The following HHAT variants were observed in gnomAD, a reference collection of about 807,000 sequenced individuals.
The protein encoded by HHAT is protein-cysteine N-palmitoyltransferase HHAT.
Under a neutral mutation model 70.8 loss-of-function variants are expected in HHAT, and 47 were observed. The observed-to-expected ratio is 0.66, with a 90% CI of 0.53 to 0.85. HHAT has a LOEUF of 0.85. Ranked by LOEUF, HHAT falls within the 40% of genes least tolerant of loss-of-function variation. HHAT has a pLI of 0.00. For synonymous variants in HHAT, 228 were observed against 247.6 expected, an observed-to-expected ratio of 0.92 and a Z score of 0.74; for missense variants, 609 against 604.8, an observed-to-expected ratio of 1.01 and a Z score of -0.07.
chr1:210,477,826 T>C (rs948632166), intron 8 of HHAT, among the ~76,000 whole-genome samples: 9 of 152,184 alleles, frequency 5.9e-5, no homozygotes, highest in Non-Finnish European at 1.3e-4. Flanking sequence ...AACAGGGTTG[T>C]CATTAGGAGA....
chr1:210,441,605 A>G (rs1390727805), intron 7 of HHAT, among the ~76,000 whole-genome samples: 1 of 152,176 alleles, frequency 6.6e-6, no homozygotes, highest in Non-Finnish European at 1.5e-5. Context: ...CACCAAAGAT[A>G]TTAGTTCAAA....
At chr1:210,560,140 C>T (rs2148705973) in intron 9 of HHAT, among the ~76,000 whole-genome samples, 1 of 152,332 alleles carries the variant, frequency 6.6e-6, no homozygotes, top group South Asian at 2.1e-4. Context: ...GGCATTCAGT[C>T]CTCCAATTTC....
chr1:210,536,855 G>C (rs1245487525), intron 9 of HHAT, among the ~76,000 whole-genome samples: 1 of 147,908 alleles, frequency 6.8e-6, no homozygotes, highest in South Asian at 2.2e-4. Flanking sequence ...ACAGCGTCTC[G>C]GGCCTCTGTC....
intron 8 of HHAT, among the ~76,000 whole-genome samples, chr1:210,480,481 A>G (rs141070517): frequency 6.6e-6 from 1 of 152,210 alleles, no homozygotes; most frequent in African/African-American, 2.4e-5. Flanking sequence ...AGCTATTGAT[A>G]TGTAATGAAG....
intron 9 of HHAT, among the ~76,000 whole-genome samples, chr1:210,562,736 T>C (rs888356501): frequency 1.3e-5 from 2 of 151,898 alleles, no homozygotes; most frequent in African/African-American, 4.8e-5. Flanking sequence ...ACACGTGCCA[T>C]GTTGGTGTGC....
At chr1:210,413,572 A>G (rs897804981) in intron 6 of HHAT, among the ~76,000 whole-genome samples, 1 of 152,236 alleles carries the variant, frequency 6.6e-6, no homozygotes, top group Non-Finnish European at 1.5e-5. Context: ...TTGCTTAGAA[A>G]TGGCTTTAGC....
At chr1:210,517,604 A>G (rs2095079622) in intron 9 of HHAT, among the ~76,000 whole-genome samples, 1 of 152,182 alleles carries the variant, frequency 6.6e-6, no homozygotes, top group African/African-American at 2.4e-5. Context: ...TAGAGAGGAG[A>G]AGGAAGTTCA....
intron 9 of HHAT, among the ~76,000 whole-genome samples, chr1:210,556,811 C>G (rs1301634484): frequency 6.6e-6 from 1 of 152,204 alleles, no homozygotes; most frequent in Non-Finnish European, 1.5e-5. Flanking sequence ...TAGCCAGCCA[C>G]TCATGAATGG....
chr1:210,459,343 G>A (rs562876937), intron 7 of HHAT, among the ~76,000 whole-genome samples: 22 of 152,248 alleles, frequency 1.4e-4, no homozygotes, highest in African/African-American at 4.8e-4. Context: ...GCGGTATAAG[G>A]TGAATTATTC....
chr1:210,548,314 G>A (rs571845944), intron 9 of HHAT, among the ~76,000 whole-genome samples: 8 of 152,334 alleles, frequency 5.3e-5, no homozygotes, highest in East Asian at 1.9e-4. Context: ...TTAAGGGTGC[G>A]TTGTTGGAGG....
intron 4 of HHAT, among the ~76,000 whole-genome samples, chr1:210,393,983 C>T (rs2091618803): frequency 6.6e-6 from 1 of 152,156 alleles, no homozygotes; most frequent in Non-Finnish European, 1.5e-5. Flanking sequence ...GTTTTTGGTA[C>T]TTACTCAGAG....
chr1:210,403,560 G>A (rs1286270739), intron 5 of HHAT, among the ~76,000 whole-genome samples: 1 of 152,164 alleles, frequency 6.6e-6, no homozygotes, highest in Non-Finnish European at 1.5e-5. Flanking sequence ...CTTGGTGGCT[G>A]CTAAAGTCTT....
At chr1:210,549,548 C>G (rs1271483041) in intron 9 of HHAT, among the ~76,000 whole-genome samples, 1 of 148,792 alleles carries the variant, frequency 6.7e-6, no homozygotes, top group African/African-American at 2.5e-5. Context: ...GGGAAGACAT[C>G]CATATGCCTA....
At chr1:210,532,949 T>C (rs1437306135) in intron 9 of HHAT, among the ~76,000 whole-genome samples, 1 of 152,206 alleles carries the variant, frequency 6.6e-6, no homozygotes, top group Non-Finnish European at 1.5e-5. Flanking sequence ...GGGTTCATAT[T>C]CTATTTACTG....
chr1:210,335,317 T>TG (rs1553311768), intron 1 of HHAT, among the ~76,000 whole-genome samples: 5 of 49,420 alleles, frequency 1.0e-4, no homozygotes, highest in South Asian at 9.3e-4. Context: ...CCATTCATGA[T>TG]GAAAAAAAAA....
At chr1:210,640,826 C>T (rs1285005448) in intron 11 of HHAT, among the ~76,000 whole-genome samples, 6 of 152,098 alleles carry the variant, frequency 3.9e-5, no homozygotes, top group African/African-American at 9.7e-5. Context: ...TAGGTGGACA[C>T]GATTATGGTT....
intron 11 of HHAT, among the ~76,000 whole-genome samples, chr1:210,659,486 G>C (rs192522853): frequency 1.3e-5 from 2 of 152,136 alleles, no homozygotes; most frequent in East Asian, 3.9e-4. Context: ...ATTCACCAGA[G>C]GTACAAAAAG....
chr1:210,349,879 G>T (rs571116831), intron 2 of HHAT, among the ~76,000 whole-genome samples: 156 of 152,254 alleles, frequency 1.0e-3, no homozygotes, highest in Non-Finnish European at 1.1e-3. Flanking sequence ...TCAAACTCCT[G>T]ACCTCAGGTG....
intron 8 of HHAT, among the ~76,000 whole-genome samples, chr1:210,501,554 G>A (rs1018176722): frequency 6.6e-6 from 1 of 152,270 alleles, no homozygotes; most frequent in African/African-American, 2.4e-5. Flanking sequence ...CAGCACCAAA[G>A]TGGGGTCTCA....
Sources: gnomAD v4.1 joint callset for allele counts (sites outside exome capture counted in the v4.1 genomes callset) on GRCh38, gnomAD v4.1.1 for gene constraint, MANE v1.5 for transcripts, NCBI Gene and HGNC (gene_info 2026-07-23, HGNC 2026-07-21) for gene names.